Variants in PLCB1 observed in about 807,000 individuals in gnomAD.
The protein encoded by PLCB1 is 1-phosphatidylinositol 4,5-bisphosphate phosphodiesterase beta-1.
PLCB1 carries 46 observed loss-of-function variants against 161.8 expected under a neutral mutation model. That is an observed-to-expected ratio of 0.28 (90% CI 0.22 to 0.36). PLCB1 has a LOEUF of 0.36. Among genes scored for constraint, PLCB1 ranks in the 10% least tolerant of loss-of-function variants. PLCB1 has a pLI of 1.00. For synonymous variants in PLCB1, 517 were observed against 503.7 expected, an observed-to-expected ratio of 1.03 and a Z score of -0.35; for missense variants, 1,016 against 1,472.5, an observed-to-expected ratio of 0.69 and a Z score of 5.07.
At chr20:8,490,432 C>A (rs1296150082) in intron 3 of PLCB1, among the ~76,000 whole-genome samples, 1 of 152,206 alleles carries the variant, frequency 6.6e-6, no homozygotes. Context: ...AACTCAGCTT[C>A]TGGTTAATAG....
At chr20:8,333,836 G>C (rs1175495558) in intron 2 of PLCB1, among the ~76,000 whole-genome samples, 3 of 152,144 alleles carry the variant, frequency 2.0e-5, no homozygotes, top group African/African-American at 7.2e-5. Flanking sequence ...TATCATTCAG[G>C]GCACATATTC....
At chr20:8,314,803 G>A (rs1984561430) in intron 2 of PLCB1, among the ~76,000 whole-genome samples, 1 of 152,136 alleles carries the variant, frequency 6.6e-6, no homozygotes, top group South Asian at 2.1e-4. Flanking sequence ...AGAGGAAGGG[G>A]AGGTGAGTGA....
At chr20:8,858,630 G>A (rs1600099049) in intron 31 of PLCB1, among the ~76,000 whole-genome samples, 1 of 152,230 alleles carries the variant, frequency 6.6e-6, no homozygotes, top group East Asian at 1.9e-4. Flanking sequence ...CCACTGATGG[G>A]TTCAATGGAC....
chr20:8,234,298 A>G (rs1464335046), intron 2 of PLCB1, among the ~76,000 whole-genome samples: 2 of 152,124 alleles, frequency 1.3e-5, no homozygotes, highest in Non-Finnish European at 2.9e-5. Context: ...AGGTTAAAGT[A>G]ATAATAATAA....
At chr20:8,273,887 A>T (rs1982401813) in intron 2 of PLCB1, among the ~76,000 whole-genome samples, 1 of 152,202 alleles carries the variant, frequency 6.6e-6, no homozygotes, top group Non-Finnish European at 1.5e-5. Context: ...TACTTGGGAA[A>T]ATCTGTTTCC....
chr20:8,477,632 A>G (rs577170892), intron 3 of PLCB1, among the ~76,000 whole-genome samples: 44 of 152,318 alleles, frequency 2.9e-4, no homozygotes, highest in Non-Finnish European at 5.0e-4. Flanking sequence ...GTGAAGCCTC[A>G]GGAAGCTTTC....
chr20:8,840,377 G>A (rs1166537526), intron 31 of PLCB1, among the ~76,000 whole-genome samples: 2 of 152,204 alleles, frequency 1.3e-5, no homozygotes, highest in African/African-American at 4.8e-5. Context: ...TGAGACAAGG[G>A]CTAGACTGTG....
At chr20:8,395,376 G>A (rs1162303288) in intron 3 of PLCB1, among the ~76,000 whole-genome samples, 3 of 151,802 alleles carry the variant, frequency 2.0e-5, no homozygotes, top group Non-Finnish European at 2.9e-5. Flanking sequence ...ATTACTTATG[G>A]ATACCAGATG....
At chr20:8,168,821 G>A (rs765757184) in intron 2 of PLCB1, among the ~76,000 whole-genome samples, 1 of 151,678 alleles carries the variant, frequency 6.6e-6, no homozygotes, top group Non-Finnish European at 1.5e-5. Context: ...TAAAAACACT[G>A]GGAAAATGGA....
At chr20:8,172,141 A>T (rs559599981) in intron 2 of PLCB1, among the ~76,000 whole-genome samples, 14 of 152,226 alleles carry the variant, frequency 9.2e-5, no homozygotes, top group Middle Eastern at 6.8e-3. Flanking sequence ...GCATCTACTA[A>T]GTGTTAGGCA....
At chr20:8,334,149 C>T (rs1222124300) in intron 2 of PLCB1, among the ~76,000 whole-genome samples, 8 of 151,518 alleles carry the variant, frequency 5.3e-5, no homozygotes, top group African/African-American at 1.7e-4. Context: ...GTGGAGGTTG[C>T]GATGAGCCGC....
intron 3 of PLCB1, among the ~76,000 whole-genome samples, chr20:8,387,938 A>G (rs1417137745): frequency 6.6e-6 from 1 of 150,996 alleles, no homozygotes; most frequent in Non-Finnish European, 1.5e-5. Context: ...ACACTTAAAA[A>G]TGGTAAATTA....
chr20:8,836,388 G>A (rs1600370305), intron 31 of PLCB1, among the ~76,000 whole-genome samples: 1 of 145,890 alleles, frequency 6.9e-6, no homozygotes, highest in East Asian at 2.2e-4. Context: ...CTGATGGCCT[G>A]AGAATGAGGA....
At chr20:8,536,382 C>T (rs1270634201) in intron 3 of PLCB1, among the ~76,000 whole-genome samples, 1 of 152,150 alleles carries the variant, frequency 6.6e-6, no homozygotes, top group Non-Finnish European at 1.5e-5. Context: ...GTTCTCTCTC[C>T]TCTCGTACTT....
chr20:8,637,957 C>G (rs8120799), intron 4 of PLCB1, among the ~76,000 whole-genome samples: 36,015 of 152,056 alleles, frequency 0.24, 4,626 homozygotes, highest in Admixed American at 0.32. Context: ...GCAGTGGCGC[C>G]ATCTCGGCTC....
intron 2 of PLCB1, among the ~76,000 whole-genome samples, chr20:8,209,966 C>T (rs6055649): frequency 0.78 from 119,082 of 152,012 alleles, 47,211 homozygotes; most frequent in African/African-American, 0.89. Context: ...GCTTTCCAAG[C>T]AGCTAAGGCC....
chr20:8,669,631 C>T (rs1055532752), intron 9 of PLCB1, among the ~76,000 whole-genome samples: 3 of 152,150 alleles, frequency 2.0e-5, no homozygotes, highest in African/African-American at 7.2e-5. Context: ...TATCTGGGCT[C>T]TCAATGTAGT....
rs552551445 is a variant in PLCB1 at position 8,869,614 on chromosome 20, A to G, written c.3424-12008A>G. Among the ~76,000 whole-genome samples, 12 of 152,356 alleles carry G rather than the reference A, an allele frequency of 7.9e-5. 1 individual carries two copies. The highest frequency in any genetic ancestry group is 1.7e-4 in the African/African-American group (7 of 41,590). ...TTAATGCACACTTTTGAGAGAAATT[A>G]TAAGAGTCATGGGGAAATGCAACAA... On this transcript the variant is annotated intron_variant, in intron 31 of 31. Transcript: ENST00000338037.
chr20:8,754,173 G>A (rs1158786695), intron 23 of PLCB1, among the ~76,000 whole-genome samples: 6 of 152,072 alleles, frequency 3.9e-5, no homozygotes, highest in South Asian at 4.2e-4. Context: ...TATATAGTAC[G>A]TCCCTTTTTG....
Sources: allele counts gnomAD v4.1 joint callset (sites outside exome capture counted in the v4.1 genomes callset), GRCh38; gene constraint gnomAD v4.1.1; transcripts MANE v1.5; gene names NCBI Gene and HGNC (gene_info 2026-07-23, HGNC 2026-07-21).